The following PKHD1 variants were observed in gnomAD, a reference collection of about 807,000 sequenced individuals.
The protein encoded by PKHD1 is fibrocystin.
PKHD1 carries 291 observed loss-of-function variants against 412.0 expected under a neutral mutation model. The ratio of observed to expected loss-of-function variants is 0.71; its 90% CI spans 0.64 to 0.78. The LOEUF is 0.78. Ranked by LOEUF, PKHD1 falls within the 30% of genes least tolerant of loss-of-function variation. PKHD1 has a pLI of 0.00. For synonymous variants in PKHD1, 1,777 were observed against 1,821.5 expected, an observed-to-expected ratio of 0.98 and a Z score of 0.62; for missense variants, 4,825 against 4,950.7, an observed-to-expected ratio of 0.97 and a Z score of 0.76.
At chr6:52,058,819 T>C (rs1369684225) in intron 15 of PKHD1, among the ~76,000 whole-genome samples, 1 of 146,658 alleles carries the variant, frequency 6.8e-6, no homozygotes, top group Non-Finnish European at 1.5e-5. Context: ...CTCTTACAAT[T>C]GAGTAGTACT....
At chr6:51,675,187 C>T (rs1266733019) in intron 60 of PKHD1, among the ~76,000 whole-genome samples, 1 of 152,116 alleles carries the variant, frequency 6.6e-6, no homozygotes, top group African/African-American at 2.4e-5. Context: ...ACATTAACTA[C>T]TTAAGAGGGT....
chr6:51,724,285 G>A (rs143739225), intron 60 of PKHD1, among the ~76,000 whole-genome samples: 26 of 152,150 alleles, frequency 1.7e-4, no homozygotes, highest in Non-Finnish European at 3.1e-4. Flanking sequence ...GGAGTGATTT[G>A]CAAACAATTA....
rs141490446 is a variant in PKHD1 at position 51,874,415 on chromosome 6, G to A, written c.7351-3776C>T. Among the ~76,000 whole-genome samples the A allele has an allele frequency of 2.4e-3, 362 of 152,164 alleles. 1 individual carries two copies. Among genetic ancestry groups the A allele is most frequent in the African/African-American group, 8.3e-3 (344 of 41,520 alleles). On this transcript the variant is annotated intron_variant, in intron 46 of 66. Transcript: ENST00000371117. ...TCTTTCTTGTATATTTAAGTCATTCGTACTGAAAATTATTCTATTCATCTC... is the reference window on the plus strand; with the variant it reads ...TCTTTCTTGTATATTTAAGTCATTCATACTGAAAATTATTCTATTCATCTC...
At chr6:51,746,268 CA>C (rs1785185027) in intron 59 of PKHD1, among the ~76,000 whole-genome samples, 1 of 152,180 alleles carries the variant, frequency 6.6e-6, no homozygotes, top group African/African-American at 2.4e-5. Flanking sequence ...AGTTCCTGCA[CA>C]AAAGGCTCCC....
At chr6:51,720,570 C>T (rs538483528) in intron 60 of PKHD1, among the ~76,000 whole-genome samples, 24 of 152,294 alleles carry the variant, frequency 1.6e-4, no homozygotes, top group Admixed American at 7.9e-4. Context: ...TCAGTTTAAA[C>T]GCACTTCCAA....
intron 35 of PKHD1, among the ~76,000 whole-genome samples, chr6:51,976,687 C>T (rs772065595): frequency 4.6e-5 from 7 of 152,208 alleles, no homozygotes; most frequent in Non-Finnish European, 7.3e-5. Flanking sequence ...CGGTGGCTCA[C>T]GCCTGTAATC....
At chr6:52,062,955 A>T (rs1301313251) in intron 13 of PKHD1, among the ~76,000 whole-genome samples, 2 of 152,174 alleles carry the variant, frequency 1.3e-5, no homozygotes, top group East Asian at 3.9e-4. Flanking sequence ...ACAGAAGCTG[A>T]GGCTGAGTAA....
rs1445506685 is a variant in PKHD1 at position 51,874,783 on chromosome 6, C to CCAGGCGTGGTGGCAGG, written c.7351-4145_7351-4144insCCTGCCACCACGCCTG. Among the ~76,000 whole-genome samples the CCAGGCGTGGTGGCAGG allele has an allele frequency of 2.9e-3, 345 of 120,964 alleles. 40 individuals are homozygous for CCAGGCGTGGTGGCAGG. Among genetic ancestry groups the CCAGGCGTGGTGGCAGG allele is most frequent in the East Asian group, 9.5e-3 (14 of 1,472 alleles). The allele number at this position is 120,964 out of a possible 152,430, so 79.4% of individuals were successfully genotyped here. ...CTGTACTAAAAACACAAAAAATGAG[C>CCAGGCGTGGTGGCAGG]TCCGGTCTACAGCTCCCAGCGTGAG... On this transcript the variant is annotated intron_variant, in intron 46 of 66. Transcript: ENST00000371117.
At position 51,950,220 on chromosome 6, in the gene PKHD1, A is replaced by AAAATATATATAT; in HGVS notation, c.5908+9649_5908+9650insATATATATATTT. On this transcript the variant is annotated intron_variant, in intron 36 of 66. Coordinates refer to ENST00000371117, the MANE Select transcript of PKHD1 (RefSeq NM_138694.4). The stretch of plus-strand genomic sequence containing the variant: ...AATGGGCAATATAGAGAAAAAAAAA[A>AAAATATATATAT]ATATATATATATATATATATGAAAT... Among the ~76,000 whole-genome samples the AAAATATATATAT allele has an allele frequency of 1.6e-3, 153 of 98,286 alleles. 1 individual carries two copies. Among genetic ancestry groups the AAAATATATATAT allele is most frequent in the Middle Eastern group, 9.6e-3 (2 of 208 alleles). The allele number at this position is 98,286 out of a possible 152,430, so 64.5% of individuals were successfully genotyped here.
intron 35 of PKHD1, among the ~76,000 whole-genome samples, chr6:51,982,051 G>A (rs376650489): frequency 9.2e-5 from 6 of 65,008 alleles, no homozygotes; most frequent in African/African-American, 1.6e-4. Flanking sequence ...CGGCCGCCCC[G>A]TCTGAGAAGT....
intron 53 of PKHD1, among the ~76,000 whole-genome samples, chr6:51,787,514 T>C (rs948454213): frequency 5.3e-5 from 8 of 152,228 alleles, no homozygotes; most frequent in Admixed American, 2.6e-4. Context: ...TTATTATCTG[T>C]TTCATGTTGG....
intron 59 of PKHD1, among the ~76,000 whole-genome samples, chr6:51,745,880 T>A (rs1785130127): frequency 6.6e-6 from 1 of 152,058 alleles, no homozygotes; most frequent in African/African-American, 2.4e-5. Flanking sequence ...CAACACAAAT[T>A]GCCTACCTAC....
Position 51,625,611 on chromosome 6 carries a change from T to C in PKHD1, c.11785+1386A>G, listed in dbSNP as rs111569092. ...TTTCCCTGTCTCATTCCTAATAATT[T>C]ATTAATAAGCCACCACATAAAAAAG... is the stretch of plus-strand genomic sequence containing the variant. On this transcript the variant is annotated intron_variant, in intron 66 of 66. Coordinates refer to ENST00000371117, the MANE Select transcript of PKHD1 (RefSeq NM_138694.4). Among the ~76,000 whole-genome samples the C allele has an allele frequency of 1.1e-4, 16 of 152,314 alleles. No homozygotes were observed. The East Asian group carries it at 2.5e-3, about 24-fold the overall frequency.
At chr6:51,676,887 CA>C (rs1264281692) in intron 60 of PKHD1, among the ~76,000 whole-genome samples, 4 of 151,910 alleles carry the variant, frequency 2.6e-5, no homozygotes, top group African/African-American at 7.2e-5. Flanking sequence ...GTTTAAACTT[CA>C]AAAAAATGGG....
chr6:51,758,054 A>AGAGAGAGAGAGAG (rs1485093515), intron 55 of PKHD1, among the ~76,000 whole-genome samples: 16 of 115,344 alleles, frequency 1.4e-4, no homozygotes, highest in African/African-American at 5.1e-4. Flanking sequence ...GAGAGAGAGA[A>AGAGAGAGAGAGAG]AACAAAGCAA....
At chr6:51,979,627 A>C (rs1344893902) in intron 35 of PKHD1, among the ~76,000 whole-genome samples, 1 of 152,004 alleles carries the variant, frequency 6.6e-6, no homozygotes, top group Non-Finnish European at 1.5e-5. Flanking sequence ...ACACACACTT[A>C]GAATACACAG....
At chr6:52,084,733 GT>G in intron 2 of PKHD1, 148 bp downstream of exon 2, 1 of 712,508 alleles carries the variant, frequency 1.4e-6, no homozygotes, top group Non-Finnish European at 2.6e-6. Flanking sequence ...TCTGAAAACA[GT>G]ATTTTTAACT....
chr6:51,816,704 G>C lies in PKHD1; in HGVS notation c.8302+14157C>G, dbSNP rs1006531966. On this transcript the variant is annotated intron_variant, in intron 52 of 66. Coordinates refer to ENST00000371117, the MANE Select transcript of PKHD1 (RefSeq NM_138694.4). ...TGTGTGCAAAAAAGGCAAATGCTAA[G>C]CTGTAACCAATCTGGCCATTTCTGT... is the stretch of plus-strand genomic sequence containing the variant. Among the ~76,000 whole-genome samples the C allele has an allele frequency of 1.3e-4, 20 of 152,202 alleles. 1 individual carries two copies. The highest frequency in any genetic ancestry group is 4.6e-4 in the African/African-American group (19 of 41,448).
intron 60 of PKHD1, among the ~76,000 whole-genome samples, chr6:51,712,007 C>T (rs1780718106): frequency 6.6e-6 from 1 of 152,162 alleles, no homozygotes; most frequent in African/African-American, 2.4e-5. Context: ...AGAGATTGCA[C>T]CACATTATGC....
Sources: gnomAD v4.1 joint callset for allele counts (sites outside exome capture counted in the v4.1 genomes callset) on GRCh38, gnomAD v4.1.1 for gene constraint, MANE v1.5 for transcripts, NCBI Gene and HGNC (gene_info 2026-07-23, HGNC 2026-07-21) for gene names.